Variants in CELF6 observed in about 807,000 individuals in gnomAD.
CELF6 encodes the protein CUGBP Elav-like family member 6.
In CELF6, 32 loss-of-function variants were observed where a neutral mutation model predicts 53.1. The observed-to-expected ratio is 0.60, with a 90% CI of 0.46 to 0.81. The LOEUF (loss-of-function observed/expected upper bound fraction) is 0.81. CELF6 is among the 30% of genes least tolerant of loss of function. The pLI is 0.00. For synonymous variants in CELF6, 291 were observed against 288.8 expected (o/e 1.01, Z -0.08); for missense variants, 539 against 669.5 (o/e 0.81, Z 2.15).
intron 2 of CELF6, chr15:72,306,247 G>T: frequency 9.1e-6 from 9 of 985,240 alleles, no homozygotes; most frequent in Non-Finnish European, 1.1e-5. Flanking sequence ...TTATTGTTGG[G>T]GGGCAGGCAG....
intron 2 of CELF6, among the ~76,000 whole-genome samples, chr15:72,305,277 T>C (rs1440381815): frequency 6.6e-6 from 1 of 152,220 alleles, no homozygotes; most frequent in Non-Finnish European, 1.5e-5. Flanking sequence ...CATTTAATGG[T>C]TGTATGACTT....
intron 2 of CELF6, among the ~76,000 whole-genome samples, chr15:72,311,961 GC>G (rs2088303295): frequency 6.6e-6 from 1 of 152,320 alleles, no homozygotes; most frequent in South Asian, 2.1e-4. Context: ...GGCACAACTT[GC>G]AAAAGCAAAT....
At chr15:72,294,509 C>T (rs922551561) in intron 3 of CELF6, among the ~76,000 whole-genome samples, 10 of 152,138 alleles carry the variant, frequency 6.6e-5, no homozygotes, top group East Asian at 1.9e-4. Context: ...GTAGCCAGGA[C>T]GAGAAGAGTC....
rs527664069 is a variant in CELF6, at chr15:72,289,169, C to T, written c.999G>A (p.Thr333=). The change falls in exon 8 of 13, where the codon ACG becomes ACA. Residue 333 remains threonine (T), a synonymous_variant. Coordinates refer to ENST00000287202, the MANE Select transcript of CELF6 (RefSeq NM_052840.5). The surrounding 1 kb of genome is among the most constrained non-coding windows in gnomAD (Gnocchi z 7.6). ...AAGGGGAGAGCCCGTTATTGTAGAGCGTGTCGGAGCCCGGCTGGCCATTGG... is the reference window on the plus strand; with the variant it reads ...AAGGGGAGAGCCCGTTATTGTAGAGTGTGTCGGAGCCCGGCTGGCCATTGG... ...PQTNGQPGSD[T]LYNNGLSPYP... is the part of the protein sequence containing the mutation. 2 of 1,555,474 alleles carry T rather than the reference C, an allele frequency of 1.3e-6. No homozygotes were observed. The highest frequency in any genetic ancestry group is 2.4e-5 in the South Asian group (2 of 81,670).
intron 2 of CELF6, among the ~76,000 whole-genome samples, chr15:72,307,332 C>G (rs1318064671): frequency 6.6e-6 from 1 of 152,186 alleles, no homozygotes; most frequent in Non-Finnish European, 1.5e-5. Context: ...AGGCCTCCCA[C>G]CACCCAGGCA....
intron 2 of CELF6, chr15:72,306,299 G>A (rs1346023785): frequency 2.0e-6 from 2 of 985,182 alleles, no homozygotes; most frequent in African/African-American, 3.5e-5. Flanking sequence ...CCCGTTCATG[G>A]AGGAAGGGGT....
In CELF6 at chr15:72,289,350, G is replaced by C; in HGVS notation, c.880+25C>G. 6.5e-7 allele frequency: 1 copy of C among 1,541,682 alleles called. No homozygotes were observed. Among genetic ancestry groups the C allele is most frequent in the South Asian group, 1.2e-5 (1 of 84,648 alleles). On this transcript the variant is annotated intron_variant, in intron 7 of 12. Transcript: ENST00000287202. The surrounding 1 kb of genome is among the most constrained non-coding windows in gnomAD (Gnocchi z 7.6). ...CCGCCCCGCCCGGCCCCTCCCAGGC[G>C]CGCCCCAGTCCCTGGGGGCCGTACC...
At chr15:72,293,118 C>G (rs894798879) in intron 3 of CELF6, among the ~76,000 whole-genome samples, 1 of 152,344 alleles carries the variant, frequency 6.6e-6, no homozygotes, top group Non-Finnish European at 1.5e-5. Context: ...AAATGAGTAT[C>G]TACCATGGGG....
In CELF6 at chr15:72,289,291, A is replaced by G; in HGVS notation, c.881-4T>C. The G allele has an allele frequency of 6.4e-7, 1 of 1,565,244 alleles. No homozygotes were observed. Reference sequence around the variant, plus strand: ...CTGCCAGGCGGGGAGTTGGCTGCTGATGGCGGAAAAGGTCTGAGAGTCAGG... The same window carrying G: ...CTGCCAGGCGGGGAGTTGGCTGCTGGTGGCGGAAAAGGTCTGAGAGTCAGG... On this transcript the variant is annotated splice_polypyrimidine_tract_variant and splice_region_variant and intron_variant, in intron 7 of 12. Transcript: ENST00000287202. This position sits in a 1 kb window ranked among gnomAD's most constrained non-coding sequence, Gnocchi z 7.6.
In CELF6 at chr15:72,307,925, GAATGGCTAGGGTACGGACAGGGAGCTGC is replaced by G. The variant is rs776231046; in HGVS notation, c.346-3159_346-3132del. Among the ~76,000 whole-genome samples the G allele has an allele frequency of 3.9e-3, 592 of 152,262 alleles. 3 individuals carry two copies. The highest frequency in any genetic ancestry group is 7.3e-3 in the Admixed American group (112 of 15,300). ...GGTAGGAGTGGTGGCTGAGCACGCT[GAATGGCTAGGGTACGGACAGGGAGCTGC>G]AATGGCTAGGGTACGGACAGGGAGC... is the stretch of plus-strand genomic sequence containing the variant. On this transcript the variant is annotated intron_variant, in intron 2 of 12. Coordinates refer to ENST00000287202, the MANE Select transcript of CELF6 (RefSeq NM_052840.5).
Position 72,289,763 on chromosome 15 carries a change from G to A in CELF6, c.611C>T (p.Ser204Leu), listed in dbSNP as rs1302215875. ...LHGSRTMAGASSSLVVKLADT... is the reference protein window; with the variant it reads ...LHGSRTMAGALSSLVVKLADT... ...CGCCAGCTTGACCACGAGGCTGGACGAGGCGCCCTGGGCAGGGCAGGGGAG... is the reference window on the plus strand; with the variant it reads ...CGCCAGCTTGACCACGAGGCTGGACAAGGCGCCCTGGGCAGGGCAGGGGAG... Residue 204 changes from serine (S) to leucine (L), a missense_variant, in exon 6 of 13, where the codon TCG becomes TTG. Transcript: ENST00000287202. The surrounding 1 kb of genome is among the most constrained non-coding windows in gnomAD (Gnocchi z 7.6). The A allele has an allele frequency of 2.1e-6, 3 of 1,454,022 alleles. No homozygotes were observed. Among genetic ancestry groups the A allele is most frequent in the Non-Finnish European group, 2.7e-6 (3 of 1,109,680 alleles). 90.1% of individuals were successfully genotyped at this position (1,454,022 alleles called of 1,614,324 possible). A position where few individuals can be genotyped will look rare whatever the true frequency, so the allele number is the denominator to read the frequency against.
chr15:72,292,021 GA>G (rs926224645), intron 3 of CELF6, among the ~76,000 whole-genome samples: 4 of 152,150 alleles, frequency 2.6e-5, no homozygotes, highest in African/African-American at 9.7e-5. Context: ...CCAACCTTTT[GA>G]AAAATCAGTG....
intron 3 of CELF6, among the ~76,000 whole-genome samples, chr15:72,298,396 G>A (rs1230990758): frequency 6.6e-6 from 1 of 152,220 alleles, no homozygotes; most frequent in Non-Finnish European, 1.5e-5. Context: ...TGGCTTTTGA[G>A]TTGAACCAAA....
At chr15:72,286,746 A>G (rs2087927687) in intron 12 of CELF6, among the ~76,000 whole-genome samples, 1 of 152,186 alleles carries the variant, frequency 6.6e-6, no homozygotes, top group Admixed American at 6.5e-5. Context: ...CCTCTGAAGC[A>G]TGTTTGCTTC....
chr15:72,286,843 C>T (rs2912212), intron 12 of CELF6, among the ~76,000 whole-genome samples: 4,617 of 152,302 alleles, frequency 0.03, 218 homozygotes, highest in African/African-American at 0.085. Context: ...AGTTCATTCT[C>T]ATCTTCAGGA....
intron 1 of CELF6, among the ~76,000 whole-genome samples, chr15:72,316,722 G>A (rs937600638): frequency 6.6e-6 from 1 of 152,188 alleles, no homozygotes; most frequent in African/African-American, 2.4e-5. Context: ...AGCCTGCTAG[G>A]AAGCACTGAA....
At chr15:72,295,193 G>A (rs2088061708) in intron 3 of CELF6, among the ~76,000 whole-genome samples, 1 of 151,360 alleles carries the variant, frequency 6.6e-6, no homozygotes, top group Admixed American at 6.6e-5. Context: ...AATTAGCCGT[G>A]TGTAGGTGGC....
At chr15:72,304,330 G>A (rs1014936620) in intron 3 of CELF6, among the ~76,000 whole-genome samples, 10 of 152,130 alleles carry the variant, frequency 6.6e-5, no homozygotes, top group Non-Finnish European at 1.5e-4. Flanking sequence ...TTACAATGAA[G>A]GAATGGCCTC....
In CELF6 at chr15:72,289,804, C is replaced by T. The variant is rs2087980341; in HGVS notation, c.604-34G>A. The T allele has an allele frequency of 1.4e-6, 2 of 1,463,642 alleles. No individual in the cohort carries two copies. Among genetic ancestry groups the T allele is most frequent in the Admixed American group, 2.4e-5 (1 of 40,862 alleles). 90.7% of individuals were successfully genotyped at this position (1,463,642 alleles called of 1,614,324 possible). A position where few individuals can be genotyped will look rare whatever the true frequency, so the allele number is the denominator to read the frequency against. ...GGCAGGGGAGGCCGTGGTGACCGGT[C>T]CTGACCCTGGCCCCGGCCCGGGGCC... On this transcript the variant is annotated intron_variant, in intron 5 of 12. Transcript: ENST00000287202. This position sits in a 1 kb window ranked among gnomAD's most constrained non-coding sequence, Gnocchi z 7.6.
Sources: gnomAD v4.1 joint callset for allele counts (sites outside exome capture counted in the v4.1 genomes callset) on GRCh38, gnomAD v4.1.1 for gene constraint, Gnocchi (gnomAD v3.1) non-coding constraint, MANE v1.5 for transcripts, NCBI Gene and HGNC (gene_info 2026-07-23, HGNC 2026-07-21) for gene names.